AHI1: variants seen among roughly 807,000 people sequenced by gnomAD.
The protein encoded by AHI1 is Abelson helper integration site 1.
In AHI1, 123 loss-of-function variants were observed where a neutral mutation model predicts 149.3. The observed-to-expected ratio is 0.82, with a 90% CI of 0.71 to 0.96. The LOEUF (loss-of-function observed/expected upper bound fraction) is 0.96. Among genes scored for constraint, AHI1 ranks in the 40% least tolerant of loss-of-function variants. AHI1 has a pLI of 0.00. For missense variants in AHI1, 1,439 were observed against 1,422.7 expected, an observed-to-expected ratio of 1.01 and a Z score of -0.18; for synonymous variants, 475 against 459.8, an observed-to-expected ratio of 1.03 and a Z score of -0.42.
At chr6:135,331,115 T>A (rs1788528861) in intron 24 of AHI1, among the ~76,000 whole-genome samples, 1 of 152,234 alleles carries the variant, frequency 6.6e-6, no homozygotes, top group African/African-American at 2.4e-5. Flanking sequence ...ACATACCATT[T>A]CTTGCACCCT....
chr6:135,409,120 G>C, intron 21 of AHI1, among the ~76,000 whole-genome samples: 1 of 151,994 alleles, frequency 6.6e-6, no homozygotes, highest in East Asian at 1.9e-4. Flanking sequence ...CTTTGTTAAA[G>C]ATTTACTATT....
intron 23 of AHI1, among the ~76,000 whole-genome samples, chr6:135,366,381 G>A (rs1774190201): frequency 6.6e-6 from 1 of 152,032 alleles, no homozygotes; most frequent in South Asian, 2.1e-4. Flanking sequence ...TTCTTTGAAT[G>A]TCTGATAGAA....
chr6:135,362,989 T>G (rs1035571657), intron 23 of AHI1, among the ~76,000 whole-genome samples: 2 of 151,404 alleles, frequency 1.3e-5, no homozygotes, highest in Non-Finnish European at 2.9e-5. Flanking sequence ...TTTATGATTC[T>G]GGGTCTTAGA....
chr6:135,340,312 C>T (rs557126444), intron 24 of AHI1, among the ~76,000 whole-genome samples: 81 of 151,424 alleles, frequency 5.3e-4, no homozygotes, highest in Non-Finnish European at 9.4e-4. Flanking sequence ...GTGGAGGTTG[C>T]GGTAAGCTGA....
At chr6:135,302,095 A>T (rs1783949925) in intron 26 of AHI1, 1 of 975,488 alleles carries the variant, frequency 1.0e-6, no homozygotes, top group East Asian at 1.1e-4. Context: ...GGGCTCAAGC[A>T]ATCCTCCCGC....
chr6:135,490,487 C>T (rs1315994749), intron 5 of AHI1, 136 bp downstream of exon 5: 12 of 1,014,534 alleles, frequency 1.2e-5, no homozygotes, highest in Admixed American at 1.1e-4. Flanking sequence ...TTTATTTTTA[C>T]CACATGTTAT....
intron 16 of AHI1, 122 bp downstream of exon 16, chr6:135,432,905 A>G (rs1784867879): frequency 1.4e-6 from 1 of 694,160 alleles, no homozygotes; most frequent in African/African-American, 1.8e-5. Flanking sequence ...GACCTGCAAA[A>G]TAAGCATAAA....
intron 27 of AHI1, among the ~76,000 whole-genome samples, chr6:135,296,855 G>C (rs1021784003): frequency 6.6e-6 from 1 of 152,218 alleles, no homozygotes; most frequent in Admixed American, 6.5e-5. Context: ...GTGTGACACT[G>C]TAGGTGCTCA....
At chr6:135,456,044 G>A in intron 9 of AHI1, 118 bp from the exon 10 acceptor site, 2 of 613,280 alleles carry the variant, frequency 3.3e-6, no homozygotes, top group South Asian at 8.1e-5. Flanking sequence ...TAATACAAAA[G>A]GAAAAATTAT....
chr6:135,439,164 C>T (rs1210383424), intron 14 of AHI1, among the ~76,000 whole-genome samples: 1 of 152,192 alleles, frequency 6.6e-6, no homozygotes, highest in East Asian at 1.9e-4. Context: ...CAGCAGTCCC[C>T]CCTTATGTGC....
At chr6:135,336,902 A>C (rs1251683470) in intron 24 of AHI1, among the ~76,000 whole-genome samples, 2 of 152,238 alleles carry the variant, frequency 1.3e-5, no homozygotes, top group Non-Finnish European at 2.9e-5. Flanking sequence ...GTGTGTGCAC[A>C]TATACACACA....
At chr6:135,448,589 T>G (rs1443345177) in intron 11 of AHI1, 114 bp from the exon 12 acceptor site, 2 of 851,446 alleles carry the variant, frequency 2.3e-6, no homozygotes, top group Non-Finnish European at 1.6e-6. Context: ...ATGCTGAAAT[T>G]TCTTAGTTTT....
In AHI1 at chr6:135,411,400, T is replaced by C; in HGVS notation, c.2909A>G (p.Glu970Gly). ...SFQIDEFVHT[E>G]SSSTKMQLVK... ...TAGCTGCATCTTCGTTGAAGAACTT[T>C]CAGTGTGGACAAATTCATCAATCTG... is the stretch of plus-strand genomic sequence containing the variant. The change falls in exon 21 of 29, where the codon GAA becomes GGA. Residue 970 changes from glutamate to glycine, a missense_variant. Transcript: ENST00000265602. 6.2e-7 allele frequency: 1 copy of C among 1,613,888 alleles called. No homozygotes were observed. The highest frequency in any genetic ancestry group is 8.5e-7 in the Non-Finnish European group (1 of 1,179,788).
chr6:135,378,152 T>C (rs890738462), intron 23 of AHI1, among the ~76,000 whole-genome samples: 12 of 152,160 alleles, frequency 7.9e-5, no homozygotes, highest in African/African-American at 2.9e-4. Context: ...GAAGACTGGC[T>C]CTGACAATTG....
At chr6:135,447,218 A>G (rs1787381628) in intron 12 of AHI1, 58 bp from the exon 13 acceptor site, 1 of 1,209,230 alleles carries the variant, frequency 8.3e-7, no homozygotes, top group Non-Finnish European at 1.1e-6. Flanking sequence ...TTCTTTTTCT[A>G]GCATATAGTT....
intron 14 of AHI1, among the ~76,000 whole-genome samples, chr6:135,439,322 G>A (rs76945830): frequency 0.03 from 4,568 of 152,216 alleles, 211 homozygotes; most frequent in African/African-American, 0.1. Context: ...TTAGCTCCAT[G>A]TCTCCAGCAT....
chr6:135,341,199 A>G (rs1458323404), intron 24 of AHI1, among the ~76,000 whole-genome samples: 1 of 152,098 alleles, frequency 6.6e-6, no homozygotes, highest in African/African-American at 2.4e-5. Context: ...TAATCCAATT[A>G]CAAGCTATGT....
intron 24 of AHI1, among the ~76,000 whole-genome samples, chr6:135,355,597 T>G (rs892184599): frequency 3.9e-5 from 6 of 152,146 alleles, no homozygotes; most frequent in African/African-American, 1.4e-4. Flanking sequence ...GAATTCCAAC[T>G]TGGAATGTTA....
chr6:135,355,945 G>C (rs1257294471), intron 24 of AHI1, among the ~76,000 whole-genome samples: 1 of 152,120 alleles, frequency 6.6e-6, no homozygotes, highest in East Asian at 1.9e-4. Context: ...CCCTTGAAAA[G>C]AGGTCTGATA....
Sources: gnomAD v4.1 joint callset for allele counts (sites outside exome capture counted in the v4.1 genomes callset) on GRCh38, gnomAD v4.1.1 for gene constraint, MANE v1.5 for transcripts, NCBI Gene and HGNC (gene_info 2026-07-23, HGNC 2026-07-21) for gene names.